The following SPEN variants were observed in gnomAD, a reference collection of about 807,000 sequenced individuals.
The protein encoded by SPEN is spen family transcriptional repressor, also known as msx2-interacting protein.
SPEN carries 18 observed loss-of-function variants against 269.9 expected under a neutral mutation model. The ratio of observed to expected loss-of-function variants is 0.07; its 90% CI spans 0.05 to 0.10. SPEN has a LOEUF of 0.10. SPEN is among the 10% of genes least tolerant of loss of function. The pLI is 1.00. For missense variants in SPEN, 3,822 were observed against 4,631.2 expected (o/e 0.83, Z 5.07); for synonymous variants, 1,726 against 1,765.7 (o/e 0.98, Z 0.56).
intron 3 of SPEN, among the ~76,000 whole-genome samples, chr1:15,907,319 T>C (rs757888485): frequency 6.6e-6 from 1 of 151,848 alleles, no homozygotes; most frequent in Admixed American, 6.6e-5. Flanking sequence ...CTGTCTCCAC[T>C]AAAAATATAA....
chr1:15,923,831 G>A (rs536191166), intron 10 of SPEN, among the ~76,000 whole-genome samples: 13 of 152,008 alleles, frequency 8.6e-5, no homozygotes, highest in Admixed American at 3.3e-4. Context: ...CACCATGCCC[G>A]GCTAATTTTT....
At chr1:15,905,437 G>A (rs1295075941) in intron 3 of SPEN, among the ~76,000 whole-genome samples, 2 of 151,700 alleles carry the variant, frequency 1.3e-5, no homozygotes, top group African/African-American at 4.8e-5. Flanking sequence ...GGCCAGGCTG[G>A]TCTCAAACTC....
intron 3 of SPEN, among the ~76,000 whole-genome samples, chr1:15,901,914 T>C (rs34582955): frequency 0.18 from 26,254 of 147,862 alleles, 2,998 homozygotes; most frequent in South Asian, 0.27. Context: ...TTTTATTTTT[T>C]ACTTATTTAT....
intron 3 of SPEN, among the ~76,000 whole-genome samples, chr1:15,897,128 T>C (rs2070848944): frequency 6.6e-6 from 1 of 152,228 alleles, no homozygotes; most frequent in Admixed American, 6.5e-5. Context: ...CTTTGTAGTT[T>C]CTGATGACCG....
chr1:15,906,270 T>TA (rs1219059095), intron 3 of SPEN, among the ~76,000 whole-genome samples: 1 of 152,102 alleles, frequency 6.6e-6, no homozygotes, highest in Non-Finnish European at 1.5e-5. Context: ...TTTTTCTTCT[T>TA]ATAGATGGGA....
chr1:15,930,663 C>G lies in SPEN; in HGVS notation c.4423C>G (p.Arg1475Gly). ...TTGGGACTCCCGATTTGCAAATTTT[C>G]GAAACAACAAAGATAAAGAAAAGGT... Reference protein sequence around the residue: ...LDWDSRFANFRNNKDKEKVDS... With the variant: ...LDWDSRFANFGNNKDKEKVDS... Residue 1475 changes from arginine (R) to glycine (G), a missense_variant, in exon 11 of 15, where the codon CGA becomes GGA. Around this residue, in one of 16 missense-constraint regions of SPEN, gnomAD observed 267 missense variants for 315.5 expected, o/e 0.85. Transcript: ENST00000375759. The surrounding 1 kb of genome is among the most constrained non-coding windows in gnomAD (Gnocchi z 5.3). 1 of 1,613,962 alleles carries G rather than the reference C, an allele frequency of 6.2e-7. No homozygotes were observed. The highest frequency in any genetic ancestry group is 8.5e-7 in the Non-Finnish European group (1 of 1,180,000).
chr1:15,873,586 G>A (rs1008159514), intron 2 of SPEN: 11 of 995,862 alleles, frequency 1.1e-5, no homozygotes, highest in Non-Finnish European at 1.3e-5. Flanking sequence ...TACATAAAGT[G>A]TACAAACAAA....
At position 15,872,825 on chromosome 1, in the gene SPEN, C is replaced by T. The variant is rs150922162; in HGVS notation, c.93C>T (p.Arg31=). 3.7e-3 allele frequency: 5,481 copies of T among 1,492,066 alleles called. 16 individuals carry two copies. The highest frequency in any genetic ancestry group is 4.6e-3 in the Non-Finnish European group (5,145 of 1,113,786). The allele number at this position is 1,492,066 out of a possible 1,614,324, so 92.4% of individuals were successfully genotyped here. A position where few individuals can be genotyped will look rare whatever the true frequency, so the allele number is the denominator to read the frequency against. ...KIIEHFKRYG[R]VESVKILPKR... ...ACTTTATTTTTTCCAGATATGGCCG[C>T]GTGGAAAGTGTCAAAATTCTTCCCA... is the stretch of plus-strand genomic sequence containing the variant. The change falls in exon 2 of 15, where the codon CGC becomes CGT. Residue 31 remains arginine (R), a synonymous_variant. Coordinates refer to ENST00000375759, the MANE Select transcript of SPEN (RefSeq NM_015001.3).
intron 3 of SPEN, among the ~76,000 whole-genome samples, chr1:15,893,537 C>G (rs955935068): frequency 6.6e-5 from 10 of 152,138 alleles, no homozygotes; most frequent in Non-Finnish European, 1.5e-5. Context: ...TAGCGGATGG[C>G]TTAGGCTTTC....
At chr1:15,860,005 G>C (rs2070428170) in intron 1 of SPEN, among the ~76,000 whole-genome samples, 1 of 126,852 alleles carries the variant, frequency 7.9e-6, no homozygotes, top group Admixed American at 9.9e-5. Context: ...TCCACCTCCC[G>C]GGTTCATGCC....
intron 3 of SPEN, among the ~76,000 whole-genome samples, chr1:15,879,449 A>T (rs553033265): frequency 1.3e-5 from 2 of 152,246 alleles, no homozygotes; most frequent in African/African-American, 4.8e-5. Flanking sequence ...AAAAAAAAAT[A>T]AAAAGCAGCT....
intron 1 of SPEN, among the ~76,000 whole-genome samples, chr1:15,858,252 CA>C (rs34220792): frequency 0.036 from 5,225 of 146,488 alleles, 294 homozygotes; most frequent in African/African-American, 0.12. Context: ...CTGGGCCCAG[CA>C]AAAAAAAAAA....
chr1:15,937,668 C>T lies in SPEN; in HGVS notation c.10509+23C>T, dbSNP rs1188861217. ...AAGGTAAGCATGAGCAGGGGCTGCCCTTCCTGGCCCCCAAGTTTTATGCCA... is the reference window on the plus strand; with the variant it reads ...AAGGTAAGCATGAGCAGGGGCTGCCTTTCCTGGCCCCCAAGTTTTATGCCA... On this transcript the variant is annotated intron_variant, in intron 12 of 14. Coordinates refer to ENST00000375759, the MANE Select transcript of SPEN (RefSeq NM_015001.3). This position sits in a 1 kb window ranked among gnomAD's most constrained non-coding sequence, Gnocchi z 5.7. The T allele has an allele frequency of 1.2e-6, 2 of 1,608,056 alleles. No individual in the cohort carries two copies. The highest frequency in any genetic ancestry group is 1.7e-6 in the Non-Finnish European group (2 of 1,175,524).
intron 3 of SPEN, among the ~76,000 whole-genome samples, chr1:15,887,114 T>G (rs1422661287): frequency 2.0e-5 from 3 of 151,880 alleles, no homozygotes; most frequent in Non-Finnish European, 4.4e-5. Flanking sequence ...TAGCTGGGAT[T>G]ACAGCCACAC....
Position 15,929,590 on chromosome 1 carries a change from A to C in SPEN, c.3350A>C (p.Gln1117Pro). The C allele has an allele frequency of 2.5e-6, 4 of 1,614,154 alleles. No individual in the cohort carries two copies. The highest frequency in any genetic ancestry group is 3.4e-6 in the Non-Finnish European group (4 of 1,180,002). The change falls in exon 11 of 15, where the codon CAG becomes CCG. Residue 1117 changes from glutamine (Q) to proline (P), a missense_variant. By Grantham distance (76) the Gln-to-Pro change is moderately conservative. Transcript: ENST00000375759. This position sits in a 1 kb window ranked among gnomAD's most constrained non-coding sequence, Gnocchi z 5.8. ...TCAAAACCACAGCTCAAACAGCTGC[A>C]GGTATTAGATGATCAAGGACCAGAG... ...IPSKPQLKQL[Q>P]VLDDQGPERE...
chr1:15,886,215 A>T (rs1369185639), intron 3 of SPEN, among the ~76,000 whole-genome samples: 1 of 152,208 alleles, frequency 6.6e-6, no homozygotes, highest in Non-Finnish European at 1.5e-5. Context: ...GGGCTGACCC[A>T]TATTGCTGAA....
chr1:15,926,384 T>TACACACAC (rs34826146), intron 10 of SPEN, among the ~76,000 whole-genome samples: 24 of 145,862 alleles, frequency 1.6e-4, no homozygotes, highest in Admixed American at 2.7e-4. Context: ...GATATATACA[T>TACACACAC]ACACACACAC....
At chr1:15,874,426 C>A in intron 2 of SPEN, 1 of 1,325,270 alleles carries the variant, frequency 7.5e-7, no homozygotes, top group Non-Finnish European at 1.0e-6. Flanking sequence ...GTATATTAGC[C>A]CCTCTCCTAA....
At chr1:15,873,417 C>G in intron 2 of SPEN, 1 of 1,130,880 alleles carries the variant, frequency 8.8e-7, no homozygotes, top group Non-Finnish European at 1.1e-6. Flanking sequence ...TCTAGAATTA[C>G]TTATTCCTTC....
Sources: allele counts gnomAD v4.1 joint callset (sites outside exome capture counted in the v4.1 genomes callset), GRCh38; gene constraint gnomAD v4.1.1; regional missense constraint gnomAD v4.1.1; non-coding constraint Gnocchi (gnomAD v3.1); transcripts MANE v1.5; gene names NCBI Gene and HGNC (gene_info 2026-07-23, HGNC 2026-07-21).